Variants in TGM7 observed in about 807,000 individuals in gnomAD.
TGM7 encodes protein-glutamine gamma-glutamyltransferase Z.
TGM7 carries 74 observed loss-of-function variants against 79.5 expected under a neutral mutation model. That is an observed-to-expected ratio of 0.93 (90% CI 0.77 to 1.13). The LOEUF (loss-of-function observed/expected upper bound fraction) is 1.13. Among genes scored for constraint, TGM7 ranks in the 50% most tolerant of loss-of-function variants. The probability of loss-of-function intolerance (pLI) is 0.00; values close to 1 mark genes in which losing one functional copy is unlikely to be tolerated. For synonymous variants in TGM7, 354 were observed against 362.5 expected (o/e 0.98, Z 0.27); for missense variants, 912 against 905.9 (o/e 1.01, Z -0.09).
chr15:43,281,728 G>A (rs1384948281), intron 9 of TGM7, 116 bp downstream of exon 9: 1 of 1,495,260 alleles, frequency 6.7e-7, no homozygotes, highest in Non-Finnish European at 9.1e-7. Context: ...ACCCCTAGGA[G>A]TTTGCCATGA....
At position 43,279,854 on chromosome 15, in the gene TGM7, C is replaced by A. The variant is rs1489001304; in HGVS notation, c.1449G>T (p.Gly483=). Residue 483 remains glycine (G), a synonymous_variant, in exon 10 of 13, where the codon GGG becomes GGT. Coordinates refer to ENST00000452443, the MANE Select transcript of TGM7 (RefSeq NM_052955.3). ...GCTGCGCTGGCTGATCCCTAAGACC[C>A]CCAGACTCCAGGAGATCCAGGAAGG... ...SLPFLDLLES[G]GLRDQPAQLQ... The A allele has an allele frequency of 1.9e-6, 3 of 1,614,124 alleles. No individual in the cohort carries two copies. The highest frequency in any genetic ancestry group is 2.5e-6 in the Non-Finnish European group (3 of 1,180,054).
rs143553579 is a variant in TGM7 at position 43,292,904 on chromosome 15, G to A, written c.244C>T (p.Arg82Trp). The change falls in exon 3 of 13, where the codon CGG becomes TGG. Residue 82 changes from arginine (R) to tryptophan (W), a missense_variant. Physicochemically the swap from Arg to Trp is moderately radical, Grantham distance 101. Transcript: ENST00000452443. Reference sequence around the variant, plus strand: ...CTCCAGACATTCCCGGGCTGGACCCGGGTGAGGAAGAATGTGGCTCGGGTC... The same window carrying A: ...CTCCAGACATTCCCGGGCTGGACCCAGGTGAGGAAGAATGTGGCTCGGGTC... ...LGTRATFFLT[R>W]VQPGNVWSAS... 5.3e-5 allele frequency: 85 copies of A among 1,613,846 alleles called. No individual in the cohort carries two copies. The African/African-American group carries it at 6.1e-4, about 12-fold the overall frequency.
rs2042911346 is a variant in TGM7 at position 43,281,953 on chromosome 15, G to T, written c.1242C>A (p.Ala414=). ...EVIWLLGDGQ[A]QEILAHNTSS... The stretch of plus-strand genomic sequence containing the variant: ...TGGTGTTGTGGGCCAGGATTTCCTG[G>T]GCCTGGCCATCCCCAAGGAGCCAAA... The change falls in exon 9 of 13, where the codon GCC becomes GCA. Residue 414 remains alanine (A), a synonymous_variant. Transcript: ENST00000452443. 3 of 1,614,186 alleles carry T rather than the reference G, an allele frequency of 1.9e-6. No homozygotes were observed. The highest frequency in any genetic ancestry group is 1.7e-6 in the Non-Finnish European group (2 of 1,180,036).
chr15:43,276,929 C>A lies in TGM7; in HGVS notation c.1906G>T (p.Val636Leu). Residue 636 changes from valine to leucine, a missense_variant, in exon 12 of 13, where the codon GTG (valine) becomes TTG (leucine). Coordinates refer to ENST00000452443, the MANE Select transcript of TGM7 (RefSeq NM_052955.3). The part of the protein sequence containing the change: ...VHVTLTNTLM[V>L]ALSSCTMVLE... ...ACCATCGTGCAGCTGCTCAGAGCCACCATTAAGGTGTTGGTGAGGGTGACA... is the reference window on the plus strand; with the variant it reads ...ACCATCGTGCAGCTGCTCAGAGCCAACATTAAGGTGTTGGTGAGGGTGACA... The A allele has an allele frequency of 6.2e-7, 1 of 1,614,164 alleles. No individual in the cohort carries two copies.
At chr15:43,294,960 TGCTCCTGGCTC>T in intron 1 of TGM7, among the ~76,000 whole-genome samples, 1 of 152,010 alleles carries the variant, frequency 6.6e-6, no homozygotes, top group South Asian at 2.1e-4. Context: ...TGCAATGGCA[TGCTCCTGGCTC>T]ACTGCAGCCT....
chr15:43,292,131 C>A (rs1345010959), intron 3 of TGM7, 34 bp from the exon 4 acceptor site: 2 of 1,461,960 alleles, frequency 1.4e-6, no homozygotes, highest in Admixed American at 1.8e-5. Context: ...GGGGCAAAAC[C>A]CCAAACCAAA....
intron 11 of TGM7, among the ~76,000 whole-genome samples, chr15:43,278,088 C>A (rs1182058225): frequency 2.0e-5 from 3 of 152,360 alleles, no homozygotes; most frequent in South Asian, 2.1e-4. Flanking sequence ...GGCCCGACAG[C>A]CTGACAGTGT....
Position 43,287,523 on chromosome 15 carries a change from G to A in TGM7, c.687+18C>T, listed in dbSNP as rs751940215. The A allele has an allele frequency of 2.5e-6, 4 of 1,612,822 alleles. No homozygotes were observed. The African/African-American group carries it at 5.3e-5, about 22-fold the overall frequency. ...AAGCTCAGACTGTCCTCAGACGGCG[G>A]GAAGCATCCATCCTTACCATGGCAC... On this transcript the variant is annotated intron_variant, in intron 5 of 12. Transcript: ENST00000452443.
chr15:43,301,533 G>A (rs2043025179), intron 1 of TGM7, among the ~76,000 whole-genome samples: 2 of 151,494 alleles, frequency 1.3e-5, no homozygotes, highest in Non-Finnish European at 2.9e-5. Context: ...AGGAGGCTGA[G>A]GTAGGAGAAT....
Position 43,287,435 on chromosome 15 carries a change from C to T in TGM7, c.710G>A (p.Gly237Asp). The T allele has an allele frequency of 1.2e-6, 2 of 1,614,120 alleles. No homozygotes were observed. The highest frequency in any genetic ancestry group is 1.7e-6 in the Non-Finnish European group (2 of 1,180,040). The change falls in exon 6 of 13, where the codon GGC becomes GAC. Residue 237 changes from glycine to aspartate, a missense_variant. Physicochemically the swap from Gly to Asp is moderately conservative, Grantham distance 94. Transcript: ENST00000452443. ...SAMINSNDDNGVLQGNWGEDY... is the reference protein window; with the variant it reads ...SAMINSNDDNDVLQGNWGEDY... Reference sequence around the variant, plus strand: ...CTCGCCCCAGTTCCCCTGCAGCACGCCATTGTCATCGTTGCTGTTGATCTG... The same window carrying T: ...CTCGCCCCAGTTCCCCTGCAGCACGTCATTGTCATCGTTGCTGTTGATCTG...
At chr15:43,296,521 A>G (rs1346296201) in intron 1 of TGM7, among the ~76,000 whole-genome samples, 2 of 151,758 alleles carry the variant, frequency 1.3e-5, no homozygotes, top group Non-Finnish European at 2.9e-5. Context: ...TAAAGTTTTC[A>G]TAGCAGGACC....
Position 43,292,917 on chromosome 15 carries a change from T to C in TGM7, c.231A>G (p.Thr77=). 10 of 1,613,664 alleles carry C rather than the reference T, an allele frequency of 6.2e-6. No homozygotes were observed. Among genetic ancestry groups the C allele is most frequent in the East Asian group, 2.2e-5 (1 of 44,876 alleles). The change falls in exon 3 of 13, where the codon ACA becomes ACG. Residue 77 remains threonine, a synonymous_variant. Transcript: ENST00000452443. The part of the protein sequence containing the change: ...KPSELLGTRA[T]FFLTRVQPGN... ...CGGGCTGGACCCGGGTGAGGAAGAA[T>C]GTGGCTCGGGTCCCCAGCAGCTCTG...
intron 1 of TGM7, among the ~76,000 whole-genome samples, chr15:43,298,521 C>A (rs1227913916): frequency 1.3e-5 from 2 of 152,166 alleles, no homozygotes; most frequent in Non-Finnish European, 2.9e-5. Context: ...CTTTGGGAGG[C>A]CGAGGCGGGC....
intron 7 of TGM7, among the ~76,000 whole-genome samples, chr15:43,283,334 C>G (rs1457410742): frequency 6.6e-6 from 1 of 152,186 alleles, no homozygotes; most frequent in African/African-American, 2.4e-5. Flanking sequence ...GCATTCTTCT[C>G]CCATGTGGTA....
intron 11 of TGM7, among the ~76,000 whole-genome samples, chr15:43,277,595 T>C (rs1476171290): frequency 6.6e-6 from 1 of 152,184 alleles, no homozygotes; most frequent in Non-Finnish European, 1.5e-5. Flanking sequence ...CACTCGAGTT[T>C]TTCCAGGTGT....
chr15:43,293,075 G>A (rs2042972154), intron 2 of TGM7, 121 bp from the exon 3 acceptor site: 3 of 1,374,526 alleles, frequency 2.2e-6, no homozygotes, highest in Admixed American at 4.3e-5. Context: ...GGCTTTTACT[G>A]CCACCGAGTG....
chr15:43,301,932 A>G (rs1596467455), intron 1 of TGM7, among the ~76,000 whole-genome samples: 1 of 152,132 alleles, frequency 6.6e-6, no homozygotes, highest in Admixed American at 6.5e-5. Flanking sequence ...CAAGCACCCA[A>G]GGACACCTGG....
At chr15:43,293,329 C>G in intron 2 of TGM7, 120 bp downstream of exon 2, 1 of 1,292,638 alleles carries the variant, frequency 7.7e-7, no homozygotes, top group Non-Finnish European at 1.1e-6. Flanking sequence ...GGGTCTGGGG[C>G]TCCCAGGACA....
intron 9 of TGM7, among the ~76,000 whole-genome samples, chr15:43,281,004 T>C (rs1004826539): frequency 6.6e-6 from 1 of 152,160 alleles, no homozygotes; most frequent in African/African-American, 2.4e-5. Flanking sequence ...AGGTTCAGAT[T>C]GTTACTGACA....
Sources: allele counts gnomAD v4.1 joint callset (sites outside exome capture counted in the v4.1 genomes callset), GRCh38; gene constraint gnomAD v4.1.1; transcripts MANE v1.5; gene names NCBI Gene and HGNC (gene_info 2026-07-23, HGNC 2026-07-21).